Variants in DOCK3 observed in about 807,000 individuals in gnomAD.
The protein encoded by DOCK3 is dedicator of cytokinesis 3.
DOCK3 carries 60 observed loss-of-function variants against 265.6 expected under a neutral mutation model. The observed-to-expected ratio is 0.23, with a 90% confidence interval of 0.18 to 0.28. The LOEUF (loss-of-function observed/expected upper bound fraction) is 0.28, where lower values mean the gene tolerates loss of function less well. Ranked by LOEUF, DOCK3 falls within the 10% of genes least tolerant of loss-of-function variation. DOCK3 has a pLI of 1.00. For synonymous variants in DOCK3, 881 were observed against 938.0 expected, an observed-to-expected ratio of 0.94 and a Z score of 1.11; for missense variants, 1,981 against 2,594.3, an observed-to-expected ratio of 0.76 and a Z score of 5.14.
intron 1 of DOCK3, chr3:50,719,492 C>T: frequency 1.2e-6 from 1 of 835,052 alleles, no homozygotes; most frequent in South Asian, 1.6e-5. Flanking sequence ...TTAGAATTGT[C>T]CACAGTCGGC....
At chr3:51,050,353 C>T (rs1327105576) in intron 5 of DOCK3, among the ~76,000 whole-genome samples, 1 of 152,194 alleles carries the variant, frequency 6.6e-6, no homozygotes, top group Non-Finnish European at 1.5e-5. Context: ...CACCACTACA[C>T]TCCAGTCCAG....
At chr3:51,087,152 TAGTA>T (rs1370375620) in intron 7 of DOCK3, among the ~76,000 whole-genome samples, 1 of 152,108 alleles carries the variant, frequency 6.6e-6, no homozygotes, top group Admixed American at 6.5e-5. Context: ...ATTACACTGA[TAGTA>T]AGTCAGACAA....
At chr3:51,237,665 A>G in intron 21 of DOCK3, 75 bp downstream of exon 21, 2 of 1,294,436 alleles carry the variant, frequency 1.5e-6, no homozygotes, top group South Asian at 2.7e-5. Flanking sequence ...TTTAGCTGCA[A>G]CCAGCATTTA....
At chr3:50,767,411 C>G (rs959316997) in intron 1 of DOCK3, among the ~76,000 whole-genome samples, 1 of 152,114 alleles carries the variant, frequency 6.6e-6, no homozygotes, top group African/African-American at 2.4e-5. Context: ...TTAGGTTTCT[C>G]AAAGATCAGA....
intron 27 of DOCK3, among the ~76,000 whole-genome samples, chr3:51,308,241 G>A (rs1315054289): frequency 1.5e-5 from 2 of 135,282 alleles, no homozygotes; most frequent in African/African-American, 5.5e-5. Context: ...TTTTTTTATT[G>A]ATCATTCTTG....
At chr3:50,764,099 T>TA (rs1323751669) in intron 1 of DOCK3, among the ~76,000 whole-genome samples, 3 of 152,242 alleles carry the variant, frequency 2.0e-5, no homozygotes, top group Non-Finnish European at 4.4e-5. Context: ...TATTTTTGTG[T>TA]AGTTCTGTGA....
At chr3:50,910,796 T>C (rs2107918881) in intron 4 of DOCK3, among the ~76,000 whole-genome samples, 1 of 152,266 alleles carries the variant, frequency 6.6e-6, no homozygotes, top group South Asian at 2.1e-4. Flanking sequence ...GTGTAGGCAA[T>C]GTGAGTCAGT....
intron 4 of DOCK3, chr3:50,901,071 C>CT (rs2049165153): frequency 3.5e-6 from 1 of 287,964 alleles, no homozygotes; most frequent in African/African-American, 2.3e-5. Flanking sequence ...GATGCAGTGC[C>CT]TGCTGCCGCC....
chr3:50,995,391 G>C (rs1317512586), intron 5 of DOCK3, among the ~76,000 whole-genome samples: 1 of 152,182 alleles, frequency 6.6e-6, no homozygotes, highest in Admixed American at 6.5e-5. Flanking sequence ...TAGCAGTAAG[G>C]CTCTGAGATG....
rs558521202 is a variant in DOCK3, at chr3:50,681,231, A to G, written c.37+5931A>G. Reference sequence around the variant, plus strand: ...GTAAACATGGCACCTATTTCTGTGTAGTATTAGATGCATTCTGAAGCAGGG... The same window carrying G: ...GTAAACATGGCACCTATTTCTGTGTGGTATTAGATGCATTCTGAAGCAGGG... On this transcript the variant is annotated intron_variant, in intron 1 of 52. Coordinates refer to ENST00000266037, the MANE Select transcript of DOCK3 (RefSeq NM_004947.5). 2.6e-5 allele frequency among the ~76,000 whole-genome samples: 4 copies of G among 152,346 alleles called. No homozygotes were observed. In the South Asian group the frequency reaches 8.3e-4, roughly 32 times the overall value.
At chr3:51,297,714 G>A (rs1034724836) in intron 27 of DOCK3, among the ~76,000 whole-genome samples, 3 of 152,060 alleles carry the variant, frequency 2.0e-5, no homozygotes, top group Non-Finnish European at 4.4e-5. Context: ...CAAGTCAGGA[G>A]GCATTAAGTC....
chr3:50,963,180 C>G (rs996681884), intron 5 of DOCK3, among the ~76,000 whole-genome samples: 3 of 151,998 alleles, frequency 2.0e-5, no homozygotes, highest in African/African-American at 7.3e-5. Context: ...GAGACTGTCT[C>G]AAAAACAAAA....
At chr3:51,107,822 A>G (rs1051898397) in intron 9 of DOCK3, among the ~76,000 whole-genome samples, 1 of 152,204 alleles carries the variant, frequency 6.6e-6, no homozygotes, top group Admixed American at 6.5e-5. Context: ...ATTCAAATTC[A>G]GGAAATGCAG....
At chr3:51,179,925 C>T (rs1267041701) in intron 12 of DOCK3, among the ~76,000 whole-genome samples, 1 of 151,326 alleles carries the variant, frequency 6.6e-6, no homozygotes, top group East Asian at 2.0e-4. Flanking sequence ...AAAACAAGGG[C>T]CGGCGGACGC....
chr3:50,784,805 G>C (rs1354022664), intron 2 of DOCK3, among the ~76,000 whole-genome samples: 1 of 152,168 alleles, frequency 6.6e-6, no homozygotes, highest in African/African-American at 2.4e-5. Flanking sequence ...TTCTTGATTT[G>C]ATTCTTAGCC....
intron 9 of DOCK3, among the ~76,000 whole-genome samples, chr3:51,124,598 T>G (rs9848930): frequency 1.7e-3 from 253 of 152,276 alleles, no homozygotes; most frequent in African/African-American, 5.8e-3. Context: ...TTAAGAGAGT[T>G]CTTTGAAGTC....
chr3:50,704,948 G>T (rs2036294482), intron 1 of DOCK3, among the ~76,000 whole-genome samples: 1 of 151,690 alleles, frequency 6.6e-6, no homozygotes, highest in Non-Finnish European at 1.5e-5. Context: ...TTTAATTGGA[G>T]AATTTAAACT....
At chr3:51,148,910 T>C (rs925615003) in intron 10 of DOCK3, among the ~76,000 whole-genome samples, 5 of 152,306 alleles carry the variant, frequency 3.3e-5, no homozygotes, top group Admixed American at 3.3e-4. Context: ...GGGGATGGCA[T>C]TGAATCTATA....
At chr3:50,731,024 T>A (rs1309592840) in intron 1 of DOCK3, among the ~76,000 whole-genome samples, 2 of 149,858 alleles carry the variant, frequency 1.3e-5, no homozygotes, top group Non-Finnish European at 3.0e-5. Context: ...CCCAGCTACT[T>A]GGGAGGCTGA....
Sources: gnomAD v4.1 joint callset for allele counts (sites outside exome capture counted in the v4.1 genomes callset) on GRCh38, gnomAD v4.1.1 for gene constraint, MANE v1.5 for transcripts, NCBI Gene and HGNC (gene_info 2026-07-23, HGNC 2026-07-21) for gene names.